Variants in GRM5 observed in about 807,000 individuals in gnomAD.
GRM5 encodes glutamate metabotropic receptor 5.
A neutral mutation model predicts 83.1 loss-of-function variants in GRM5; 19 were observed. The observed-to-expected ratio is 0.23, with a 90% CI of 0.16 to 0.34. GRM5 has a LOEUF of 0.34. Among genes scored for constraint, GRM5 ranks in the 10% least tolerant of loss-of-function variants. The probability of loss-of-function intolerance (pLI) is 1.00; values close to 1 mark genes in which losing one functional copy is unlikely to be tolerated. For synonymous variants in GRM5, 675 were observed against 633.6 expected (o/e 1.07, Z -0.98); for missense variants, 1,160 against 1,588.3 (o/e 0.73, Z 4.58).
At chr11:88,681,936 T>A (rs1416446979) in intron 3 of GRM5, among the ~76,000 whole-genome samples, 2 of 152,096 alleles carry the variant, frequency 1.3e-5, no homozygotes, top group Non-Finnish European at 2.9e-5. Context: ...TTCATGGTTA[T>A]TCCTTGTCCT....
At chr11:88,569,813 A>G (rs1942948887) in intron 7 of GRM5, among the ~76,000 whole-genome samples, 1 of 152,202 alleles carries the variant, frequency 6.6e-6, no homozygotes, top group Non-Finnish European at 1.5e-5. Flanking sequence ...TGATATATGC[A>G]GGGAAAACAA....
intron 3 of GRM5, among the ~76,000 whole-genome samples, chr11:88,781,578 C>T (rs1475463387): frequency 1.3e-5 from 2 of 151,990 alleles, no homozygotes; most frequent in Non-Finnish European, 2.9e-5. Context: ...TTCCAGTCAT[C>T]ATAAATACAT....
intron 3 of GRM5, among the ~76,000 whole-genome samples, chr11:88,707,584 G>A (rs566550964): frequency 4.6e-5 from 7 of 152,252 alleles, no homozygotes; most frequent in East Asian, 3.9e-4. Context: ...ACAGGAGGAT[G>A]TGTGTAGGTT....
intron 2 of GRM5, among the ~76,000 whole-genome samples, chr11:89,016,269 A>G (rs1940853293): frequency 6.7e-6 from 1 of 149,786 alleles, no homozygotes; most frequent in African/African-American, 2.4e-5. Context: ...CACATAACAT[A>G]TATAATATAT....
chr11:89,049,657 C>G (rs1473622855), intron 1 of GRM5, among the ~76,000 whole-genome samples: 2 of 152,162 alleles, frequency 1.3e-5, no homozygotes, highest in African/African-American at 4.8e-5. Flanking sequence ...CCTATGGCAA[C>G]AGAGAAAGTC....
intron 3 of GRM5, among the ~76,000 whole-genome samples, chr11:88,675,759 C>T (rs944473636): frequency 1.4e-4 from 22 of 151,974 alleles, no homozygotes; most frequent in African/African-American, 5.1e-4. Context: ...AAACCTTGGA[C>T]TCGTTGTCCC....
At chr11:88,611,094 C>T (rs1379125945) in intron 4 of GRM5, among the ~76,000 whole-genome samples, 1 of 152,066 alleles carries the variant, frequency 6.6e-6, no homozygotes, top group Non-Finnish European at 1.5e-5. Context: ...TTAACATTTT[C>T]ATGTGCTTCT....
chr11:88,534,622 G>A (rs1942093623), intron 8 of GRM5, among the ~76,000 whole-genome samples: 1 of 152,220 alleles, frequency 6.6e-6, no homozygotes, highest in South Asian at 2.1e-4. Context: ...TGTCTTGGAA[G>A]AGACTTTGGA....
chr11:88,989,324 A>G lies in GRM5; in HGVS notation c.661+57888T>C, dbSNP rs1016086953. Among the ~76,000 whole-genome samples the G allele has an allele frequency of 1.1e-4, 15 of 141,790 alleles. No individual in the cohort carries two copies. In the East Asian group the frequency reaches 3.1e-3, roughly 29 times the overall value. The allele number at this position is 141,790 out of a possible 152,430, so 93.0% of individuals were successfully genotyped here. On this transcript the variant is annotated intron_variant, in intron 2 of 9. Transcript: ENST00000305447. Reference sequence around the variant, plus strand: ...AAGAAGAGCTAACTATCCTAAATATATATGCACCCAATACAGTAGCACCCA... The same window carrying G: ...AAGAAGAGCTAACTATCCTAAATATGTATGCACCCAATACAGTAGCACCCA...
chr11:88,540,328 A>T (rs988688943), intron 8 of GRM5, among the ~76,000 whole-genome samples: 4 of 152,216 alleles, frequency 2.6e-5, no homozygotes, highest in African/African-American at 9.6e-5. Flanking sequence ...AAACAAAAAA[A>T]GCTTTCTACA....
At chr11:88,572,171 G>T (rs965960076) in intron 7 of GRM5, among the ~76,000 whole-genome samples, 1 of 152,172 alleles carries the variant, frequency 6.6e-6, no homozygotes, top group Non-Finnish European at 1.5e-5. Flanking sequence ...CAGTGTGGAA[G>T]TTACAGCTTT....
intron 2 of GRM5, among the ~76,000 whole-genome samples, chr11:88,903,179 G>A (rs1179457658): frequency 6.6e-6 from 1 of 151,952 alleles, no homozygotes; most frequent in Non-Finnish European, 1.5e-5. Flanking sequence ...GAGGCTAGAG[G>A]GTTTCTGTCA....
chr11:88,943,434 G>A (rs1832842874), intron 2 of GRM5, among the ~76,000 whole-genome samples: 1 of 152,038 alleles, frequency 6.6e-6, no homozygotes, highest in African/African-American at 2.4e-5. Flanking sequence ...ATTCTGAAAT[G>A]TGAAAGTCTA....
chr11:88,718,325 T>C (rs1028653238), intron 3 of GRM5, among the ~76,000 whole-genome samples: 1 of 151,920 alleles, frequency 6.6e-6, no homozygotes, highest in African/African-American at 2.4e-5. Flanking sequence ...ACAGTAAGCC[T>C]TTTAAAATGT....
intron 2 of GRM5, among the ~76,000 whole-genome samples, chr11:89,037,380 A>T (rs1055675640): frequency 2.0e-5 from 3 of 151,052 alleles, no homozygotes; most frequent in African/African-American, 7.3e-5. Flanking sequence ...TCCTATCCTG[A>T]TGCGTATACC....
intron 8 of GRM5, among the ~76,000 whole-genome samples, chr11:88,530,753 GT>G (rs1417027469): frequency 2.6e-5 from 4 of 152,048 alleles, no homozygotes; most frequent in Non-Finnish European, 5.9e-5. Flanking sequence ...AAATAAACAA[GT>G]TTAAATAATA....
rs181994369 is a variant in GRM5 at position 89,034,600 on chromosome 11, A to C, written c.661+12612T>G. Among the ~76,000 whole-genome samples the C allele has an allele frequency of 2.6e-3, 390 of 152,016 alleles. 4 individuals carry two copies. The highest frequency in any genetic ancestry group is 8.9e-3 in the African/African-American group (369 of 41,552). On this transcript the variant is annotated intron_variant, in intron 2 of 9. Coordinates refer to ENST00000305447, the MANE Select transcript of GRM5 (RefSeq NM_001143831.3). Reference sequence around the variant, plus strand: ...CAGTATCTACCACAGAGCTGAGTACAGAGTATCTACCCAATAAATATTTGT... The same window carrying C: ...CAGTATCTACCACAGAGCTGAGTACCGAGTATCTACCCAATAAATATTTGT...
intron 3 of GRM5, among the ~76,000 whole-genome samples, chr11:88,695,451 A>G (rs765688817): frequency 2.6e-5 from 4 of 152,190 alleles, no homozygotes; most frequent in Non-Finnish European, 5.9e-5. Flanking sequence ...TTTGTGTGAT[A>G]TTACTTACTG....
intron 3 of GRM5, among the ~76,000 whole-genome samples, chr11:88,698,184 T>A (rs1181481768): frequency 2.0e-5 from 3 of 152,144 alleles, no homozygotes; most frequent in African/African-American, 7.2e-5. Context: ...GTTTCCCATT[T>A]CTCTCAGGGT....
Sources: allele counts gnomAD v4.1 joint callset (sites outside exome capture counted in the v4.1 genomes callset), GRCh38; gene constraint gnomAD v4.1.1; transcripts MANE v1.5; gene names NCBI Gene and HGNC (gene_info 2026-07-23, HGNC 2026-07-21).